Variants in LDLRAD3 observed in about 807,000 individuals in gnomAD.
LDLRAD3 encodes the protein low density lipoprotein receptor class A domain containing 3.
Under a neutral mutation model 29.4 loss-of-function variants are expected in LDLRAD3, and 20 were observed. The observed-to-expected ratio is 0.68, with a 90% CI of 0.48 to 0.99. The LOEUF (loss-of-function observed/expected upper bound fraction) is 0.99, where lower values mean the gene tolerates loss of function less well. Among genes scored for constraint, LDLRAD3 ranks in the 50% least tolerant of loss-of-function variants. LDLRAD3 has a pLI of 0.00. For missense variants in LDLRAD3, 420 were observed against 454.3 expected, an observed-to-expected ratio of 0.92 and a Z score of 0.69; for synonymous variants, 157 against 192.7, an observed-to-expected ratio of 0.81 and a Z score of 1.53.
chr11:36,185,087 A>G (rs1309838711), intron 4 of LDLRAD3, among the ~76,000 whole-genome samples: 1 of 152,190 alleles, frequency 6.6e-6, no homozygotes, highest in Admixed American at 6.5e-5. Context: ...GTTTGCATAT[A>G]TAGCTCGCCA....
chr11:36,083,735 TAC>T (rs59333454), intron 3 of LDLRAD3, among the ~76,000 whole-genome samples: 2,738 of 126,830 alleles, frequency 0.022, 75 homozygotes, highest in African/African-American at 0.068. Context: ...AGGGAGAAAT[TAC>T]ACACACACAC....
At chr11:35,949,394 T>C (rs543466356) in intron 1 of LDLRAD3, among the ~76,000 whole-genome samples, 1 of 152,326 alleles carries the variant, frequency 6.6e-6, no homozygotes, top group South Asian at 2.1e-4. Flanking sequence ...AGCTGCCAGA[T>C]TGCCTTGGAA....
chr11:36,108,545 TG>T (rs1853564677), intron 4 of LDLRAD3, among the ~76,000 whole-genome samples: 5 of 152,066 alleles, frequency 3.3e-5, no homozygotes, highest in Admixed American at 1.3e-4. Flanking sequence ...TGGAAGTGAA[TG>T]GCAGGGCAGT....
chr11:35,983,035 G>C (rs529564258), intron 1 of LDLRAD3, among the ~76,000 whole-genome samples: 33 of 152,054 alleles, frequency 2.2e-4, no homozygotes, highest in African/African-American at 7.7e-4. Context: ...TGTATTTTCA[G>C]TAGAGGCAGG....
chr11:36,229,631 G>GCT lies in LDLRAD3; in HGVS notation c.*234_*235insCT. On this transcript the variant is annotated 3_prime_UTR_variant, in exon 6 of 6. Transcript: ENST00000315571. ...TTCTGTCAGGTCACTCTTCCCTTGG[G>GCT]ACCCGAGATCACACCCTCATTTTTC... The GCT allele has an allele frequency of 1.2e-5, 5 of 421,258 alleles. No individual in the cohort carries two copies. Among genetic ancestry groups the GCT allele is most frequent in the South Asian group, 1.5e-4 (2 of 12,982 alleles). 26.1% of individuals were successfully genotyped at this position (421,258 alleles called of 1,614,324 possible). A position where few individuals can be genotyped will look rare whatever the true frequency, so the allele number is the denominator to read the frequency against.
intron 4 of LDLRAD3, among the ~76,000 whole-genome samples, chr11:36,102,393 C>G (rs946226703): frequency 2.0e-5 from 3 of 152,122 alleles, no homozygotes; most frequent in Non-Finnish European, 4.4e-5. Context: ...CTGGCTGGCT[C>G]CAAGACCAGA....
chr11:36,000,621 G>A (rs1466506228), intron 1 of LDLRAD3, among the ~76,000 whole-genome samples: 1 of 152,180 alleles, frequency 6.6e-6, no homozygotes, highest in Non-Finnish European at 1.5e-5. Flanking sequence ...TAAACGGTAT[G>A]TCTAGAGAAT....
chr11:36,105,685 C>T (rs1229129621), intron 4 of LDLRAD3, among the ~76,000 whole-genome samples: 1 of 152,058 alleles, frequency 6.6e-6, no homozygotes, highest in African/African-American at 2.4e-5. Flanking sequence ...CAGCAGAGAT[C>T]GCCAGCAAAC....
chr11:36,181,833 C>G (rs147409567), intron 4 of LDLRAD3, among the ~76,000 whole-genome samples: 1 of 152,102 alleles, frequency 6.6e-6, no homozygotes, highest in Non-Finnish European at 1.5e-5. Context: ...TTAGAAGGCC[C>G]TGAGTGGGGA....
At chr11:36,021,947 G>A (rs958355738) in intron 1 of LDLRAD3, among the ~76,000 whole-genome samples, 1 of 152,148 alleles carries the variant, frequency 6.6e-6, no homozygotes, top group Admixed American at 6.5e-5. Flanking sequence ...ACTGTGCCTG[G>A]CCTCAAACGT....
At chr11:36,065,093 C>T (rs1852770256) in intron 2 of LDLRAD3, among the ~76,000 whole-genome samples, 1 of 152,154 alleles carries the variant, frequency 6.6e-6, no homozygotes, top group Non-Finnish European at 1.5e-5. Flanking sequence ...GTTATTCTAT[C>T]CATTATTGAA....
rs1312068633 is a variant in LDLRAD3, at chr11:36,229,513, T to C, written c.*116T>C. The C allele has an allele frequency of 5.5e-6, 4 of 728,546 alleles. No homozygotes were observed. Among genetic ancestry groups the C allele is most frequent in the Non-Finnish European group, 9.3e-6 (4 of 429,066 alleles). The allele number at this position is 728,546 out of a possible 1,614,324, so 45.1% of individuals were successfully genotyped here. A position where few individuals can be genotyped will look rare whatever the true frequency, so the allele number is the denominator to read the frequency against. On this transcript the variant is annotated 3_prime_UTR_variant, in exon 6 of 6. Transcript: ENST00000315571. ...CTGTAAGGGTGTCTCAAGTTACAGT[T>C]TGGGATATTAACTATCTCTGCATTC...
chr11:36,049,955 G>T (rs2133222295), intron 2 of LDLRAD3, among the ~76,000 whole-genome samples: 1 of 152,324 alleles, frequency 6.6e-6, no homozygotes, highest in African/African-American at 2.4e-5. Flanking sequence ...GTCAAGTGAA[G>T]TGTTGTTTGC....
intron 1 of LDLRAD3, among the ~76,000 whole-genome samples, chr11:35,949,765 A>G (rs1213987574): frequency 1.3e-5 from 2 of 152,294 alleles, no homozygotes; most frequent in South Asian, 2.1e-4. Flanking sequence ...CAGACTAGCC[A>G]CATAACTTAT....
intron 1 of LDLRAD3, among the ~76,000 whole-genome samples, chr11:35,977,971 G>A (rs79682189): frequency 0.1 from 15,420 of 152,192 alleles, 1,031 homozygotes; most frequent in Non-Finnish European, 0.15. Flanking sequence ...GGTGGGCTTA[G>A]GGAAAACAGA....
At chr11:36,118,222 T>C (rs983427301) in intron 4 of LDLRAD3, among the ~76,000 whole-genome samples, 4 of 152,102 alleles carry the variant, frequency 2.6e-5, no homozygotes, top group African/African-American at 7.2e-5. Context: ...AACTCTTTTG[T>C]TTTATAGAGG....
chr11:36,008,778 C>T (rs892667535), intron 1 of LDLRAD3, among the ~76,000 whole-genome samples: 30 of 152,184 alleles, frequency 2.0e-4, no homozygotes, highest in African/African-American at 7.0e-4. Context: ...ACTGTGTATT[C>T]ACAGGAAACT....
chr11:36,084,785 C>G (rs1853171094), intron 3 of LDLRAD3, among the ~76,000 whole-genome samples: 1 of 152,226 alleles, frequency 6.6e-6, no homozygotes, highest in African/African-American at 2.4e-5. Flanking sequence ...AGGCTGAAAA[C>G]TCCTGAATCT....
chr11:35,966,628 A>G (rs1265623180), intron 1 of LDLRAD3, among the ~76,000 whole-genome samples: 1 of 150,742 alleles, frequency 6.6e-6, no homozygotes, highest in Non-Finnish European at 1.5e-5. Flanking sequence ...AGCCATGTCA[A>G]GTTTTCCTTG....
Sources: gnomAD v4.1 joint callset for allele counts (sites outside exome capture counted in the v4.1 genomes callset) on GRCh38, gnomAD v4.1.1 for gene constraint, MANE v1.5 for transcripts, NCBI Gene and HGNC (gene_info 2026-07-23, HGNC 2026-07-21) for gene names.